The following DCAF6 variants were observed in gnomAD, a reference collection of about 807,000 sequenced individuals.
DCAF6 encodes DDB1- and CUL4-associated factor 6.
DCAF6 carries 54 observed loss-of-function variants against 125.1 expected under a neutral mutation model. The ratio of observed to expected loss-of-function variants is 0.43; its 90% CI spans 0.35 to 0.54. The LOEUF is 0.54. Ranked by LOEUF, DCAF6 falls within the 20% of genes least tolerant of loss-of-function variation. The pLI, the probability that DCAF6 is intolerant of heterozygous loss-of-function variation, is 0.01. For missense variants in DCAF6, 934 were observed against 1,161.7 expected (o/e 0.80, Z 2.85); for synonymous variants, 371 against 390.4 (o/e 0.95, Z 0.58).
chr1:167,921,594 C>T, the DCAF6 span, among the ~76,000 whole-genome samples: 1 of 152,100 alleles, frequency 6.6e-6, no homozygotes, highest in African/African-American at 2.4e-5. Flanking sequence ...TTAACACTGT[C>T]TCTATTGCAC....
At chr1:168,002,665 T>C (rs1682806679) in intron 8 of DCAF6, 90 bp downstream of exon 8, 1 of 995,418 alleles carries the variant, frequency 1.0e-6, no homozygotes, top group Middle Eastern at 2.6e-4. Context: ...TAAATTATTC[T>C]GTAATGAACA....
chr1:167,876,257 CAAA>C, the DCAF6 span, among the ~76,000 whole-genome samples: 10 of 85,128 alleles, frequency 1.2e-4, no homozygotes, highest in Non-Finnish European at 1.7e-4. Flanking sequence ...AGCTCCATCT[CAAA>C]AAAAAAAAAA....
intron 2 of DCAF6, among the ~76,000 whole-genome samples, chr1:167,965,760 G>A (rs192666425): frequency 1.1e-4 from 17 of 152,052 alleles, no homozygotes; most frequent in Non-Finnish European, 1.8e-4. Context: ...GAGGCCTCCC[G>A]AGTAGCTGGG....
intron 2 of DCAF6, among the ~76,000 whole-genome samples, chr1:167,952,924 G>C (rs962336116): frequency 6.6e-6 from 1 of 152,180 alleles, no homozygotes. Flanking sequence ...TAATTATCAA[G>C]ATTTTGCCAT....
At position 167,993,366 on chromosome 1, in the gene DCAF6, A is replaced by G. The variant is rs372291616; in HGVS notation, c.829A>G (p.Ile277Val). The G allele has an allele frequency of 1.2e-5, 19 of 1,613,838 alleles. No homozygotes were observed. Among genetic ancestry groups the G allele is most frequent in the African/African-American group, 4.0e-5 (3 of 74,928 alleles). Residue 277 changes from isoleucine (I) to valine (V), a missense_variant, in exon 7 of 22, where the codon ATA (isoleucine) becomes GTA (valine). This residue lies in a region of DCAF6 where 309 missense variants were observed against 381.2 expected (regional missense o/e 0.81). Coordinates refer to ENST00000367840, the MANE Select transcript of DCAF6 (RefSeq NM_001198956.2). ...TCTCGTTAGTTACTCTTCAGATTAC[A>G]TATATCTTTTTGACCCGAAAGATGA... The part of the protein sequence containing the change: ...EILVSYSSDY[I>V]YLFDPKDDTA...
intron 4 of DCAF6, among the ~76,000 whole-genome samples, chr1:167,975,409 A>G (rs1677997881): frequency 6.6e-6 from 1 of 152,240 alleles, no homozygotes; most frequent in Admixed American, 6.5e-5. Flanking sequence ...TTTGTAGGAT[A>G]GAAGGGACTC....
chr1:167,975,072 G>T (rs1677937769), intron 4 of DCAF6, 57 bp downstream of exon 4: 1 of 1,153,552 alleles, frequency 8.7e-7, no homozygotes, highest in Admixed American at 2.6e-5. Context: ...TTTTGATTAA[G>T]TACATACATG....
intron 1 of DCAF6, among the ~76,000 whole-genome samples, chr1:167,950,822 C>G (rs1673810650): frequency 6.6e-6 from 1 of 152,136 alleles, no homozygotes; most frequent in Non-Finnish European, 1.5e-5. Flanking sequence ...ACAGATTTCT[C>G]TTTTTCAAAG....
At chr1:167,983,075 A>G (rs1290883425) in intron 4 of DCAF6, among the ~76,000 whole-genome samples, 1 of 152,152 alleles carries the variant, frequency 6.6e-6, no homozygotes, top group Non-Finnish European at 1.5e-5. Flanking sequence ...GCCTTAAAGT[A>G]TGGTTTGCAG....
Position 167,993,206 on chromosome 1 carries a change from A to G in DCAF6, c.689-20A>G. ...TTTAAAACATTATTAATTTTAAATAACTTCTTGTTTCTTTTTTAGGGAATT... is the reference window on the plus strand; with the variant it reads ...TTTAAAACATTATTAATTTTAAATAGCTTCTTGTTTCTTTTTTAGGGAATT... On this transcript the variant is annotated intron_variant, in intron 6 of 21. Coordinates refer to ENST00000367840, the MANE Select transcript of DCAF6 (RefSeq NM_001198956.2). The G allele has an allele frequency of 6.3e-7, 1 of 1,582,508 alleles. No homozygotes were observed. The highest frequency in any genetic ancestry group is 8.6e-7 in the Non-Finnish European group (1 of 1,164,962).
At chr1:167,949,518 A>G (rs916578309) in intron 1 of DCAF6, among the ~76,000 whole-genome samples, 1 of 152,210 alleles carries the variant, frequency 6.6e-6, no homozygotes, top group African/African-American at 2.4e-5. Flanking sequence ...CCCAAGTTCA[A>G]GATTCCTCAG....
At chr1:167,883,945 TA>T in the DCAF6 span, among the ~76,000 whole-genome samples, 1 of 152,188 alleles carries the variant, frequency 6.6e-6, no homozygotes, top group African/African-American at 2.4e-5. Context: ...CTCCTATTTT[TA>T]AAAAAATTTA....
the DCAF6 span, among the ~76,000 whole-genome samples, chr1:167,891,283 C>A: frequency 6.6e-6 from 1 of 151,994 alleles, no homozygotes; most frequent in East Asian, 1.9e-4. Flanking sequence ...ATCTGCCACA[C>A]TCTCCTGCCT....
At chr1:168,016,110 G>A (rs537808764) in intron 11 of DCAF6, among the ~76,000 whole-genome samples, 159 bp downstream of exon 11, 1 of 152,296 alleles carries the variant, frequency 6.6e-6, no homozygotes, top group South Asian at 2.1e-4. Flanking sequence ...AACATCACGT[G>A]TTAGGGGGAC....
chr1:168,016,368 C>G (rs1016428996), intron 11 of DCAF6, among the ~76,000 whole-genome samples: 4 of 152,096 alleles, frequency 2.6e-5, no homozygotes, highest in African/African-American at 9.7e-5. Flanking sequence ...ATTCCTAAAA[C>G]CTAGTAATGC....
intron 1 of DCAF6, among the ~76,000 whole-genome samples, chr1:167,949,553 A>G (rs1441997223): frequency 6.6e-6 from 1 of 152,224 alleles, no homozygotes; most frequent in Non-Finnish European, 1.5e-5. Context: ...CATTACATGC[A>G]CAGCATCTAT....
chr1:167,982,384 G>A (rs1679324579), intron 4 of DCAF6, among the ~76,000 whole-genome samples: 2 of 152,052 alleles, frequency 1.3e-5, no homozygotes, highest in Admixed American at 6.6e-5. Flanking sequence ...TGGGACTATA[G>A]GCGCATGCAA....
chr1:167,910,174 C>A, the DCAF6 span, among the ~76,000 whole-genome samples: 1 of 152,188 alleles, frequency 6.6e-6, no homozygotes, highest in Non-Finnish European at 1.5e-5. Flanking sequence ...GTCTGTGGCT[C>A]GTCCTGCTAC....
intron 14 of DCAF6, among the ~76,000 whole-genome samples, chr1:168,044,319 A>C (rs1428260208): frequency 6.6e-6 from 1 of 152,186 alleles, no homozygotes; most frequent in Non-Finnish European, 1.5e-5. Flanking sequence ...TCCCTCCCAA[A>C]ATAACAATAT....
Sources: allele counts gnomAD v4.1 joint callset (sites outside exome capture counted in the v4.1 genomes callset), GRCh38; gene constraint gnomAD v4.1.1; regional missense constraint gnomAD v4.1.1; transcripts MANE v1.5; gene names NCBI Gene and HGNC (gene_info 2026-07-23, HGNC 2026-07-21).